The following DCDC2C variants were observed in gnomAD, a reference collection of about 807,000 sequenced individuals.
DCDC2C encodes the protein doublecortin domain-containing protein 2C.
Under a neutral mutation model 45.0 loss-of-function variants are expected in DCDC2C, and 44 were observed. The ratio of observed to expected loss-of-function variants is 0.98; its 90% CI spans 0.77 to 1.26. The LOEUF (loss-of-function observed/expected upper bound fraction) is 1.26, where lower values mean the gene tolerates loss of function less well. Among genes scored for constraint, DCDC2C ranks in the 50% most tolerant of loss-of-function variants. The pLI, the probability that DCDC2C is intolerant of heterozygous loss-of-function variation, is 0.00. For synonymous variants in DCDC2C, 187 were observed against 178.8 expected, an observed-to-expected ratio of 1.05 and a Z score of -0.37; for missense variants, 447 against 468.9, an observed-to-expected ratio of 0.95 and a Z score of 0.43.
chr2:3,805,263 G>A (rs1281496845), intron 10 of DCDC2C, among the ~76,000 whole-genome samples: 2 of 152,188 alleles, frequency 1.3e-5, no homozygotes, highest in East Asian at 1.9e-4. Flanking sequence ...ATTCGAATCC[G>A]GCAGCAGCTC....
At chr2:3,783,753 G>A (rs1670575058) in intron 9 of DCDC2C, among the ~76,000 whole-genome samples, 1 of 152,242 alleles carries the variant, frequency 6.6e-6, no homozygotes, top group Admixed American at 6.5e-5. Flanking sequence ...CCAAGCAGGA[G>A]CTGAGCGTGG....
At position 3,782,547 on chromosome 2, in the gene DCDC2C, C is replaced by T. The variant is rs181210854; in HGVS notation, c.1024-2512C>T. On this transcript the variant is annotated intron_variant, in intron 9 of 10. Transcript: ENST00000399143. ...AGGCTGGAGTGCAGTGGTGCTATCTCGGCTCACTGCAAGCTCCGCCTCCTG... is the reference window on the plus strand; with the variant it reads ...AGGCTGGAGTGCAGTGGTGCTATCTTGGCTCACTGCAAGCTCCGCCTCCTG... Among the ~76,000 whole-genome samples the T allele has an allele frequency of 2.0e-3, 303 of 151,254 alleles. 1 individual carries two copies. Among genetic ancestry groups the T allele is most frequent in the South Asian group, 4.2e-3 (20 of 4,796 alleles).
chr2:3,751,195 G>A (rs1669532195), intron 4 of DCDC2C, among the ~76,000 whole-genome samples: 1 of 152,212 alleles, frequency 6.6e-6, no homozygotes, highest in African/African-American at 2.4e-5. Context: ...GCCCCCGGGA[G>A]CAGTTGCTTT....
intron 6 of DCDC2C, among the ~76,000 whole-genome samples, chr2:3,766,508 C>T (rs1253197658): frequency 2.6e-5 from 4 of 152,262 alleles, no homozygotes; most frequent in Non-Finnish European, 4.4e-5. Flanking sequence ...ATTTCTTCTC[C>T]TTAAGAACAT....
chr2:3,831,547 C>A (rs895698452), intron 10 of DCDC2C, among the ~76,000 whole-genome samples: 1 of 152,170 alleles, frequency 6.6e-6, no homozygotes, highest in Admixed American at 6.5e-5. Flanking sequence ...AAGGAACCAC[C>A]ATTGGACATG....
chr2:3,809,749 C>T (rs760579099), intron 10 of DCDC2C, among the ~76,000 whole-genome samples: 4 of 152,156 alleles, frequency 2.6e-5, no homozygotes, highest in Admixed American at 2.6e-4. Context: ...CCCTTACCCC[C>T]AACCCCCAAC....
intron 4 of DCDC2C, among the ~76,000 whole-genome samples, chr2:3,746,889 G>T (rs1669379716): frequency 6.6e-6 from 1 of 152,172 alleles, no homozygotes; most frequent in Non-Finnish European, 1.5e-5. Context: ...GGGTTCTAAA[G>T]AAATGGGTAG....
intron 3 of DCDC2C, among the ~76,000 whole-genome samples, chr2:3,739,076 T>C (rs1225244690): frequency 1.3e-5 from 2 of 152,228 alleles, no homozygotes; most frequent in African/African-American, 4.8e-5. Context: ...TTTCCTAGTT[T>C]ATAAATCAGA....
intron 4 of DCDC2C, among the ~76,000 whole-genome samples, chr2:3,745,129 A>C (rs1383847446): frequency 1.3e-5 from 2 of 152,094 alleles, no homozygotes; most frequent in African/African-American, 4.8e-5. Context: ...AGGATTACAG[A>C]CGCCCGCCAC....
chr2:3,847,230 G>T lies in DCDC2C; in HGVS notation c.*47G>T, dbSNP rs980480258. The T allele has an allele frequency of 5.8e-6, 7 of 1,199,126 alleles. No individual in the cohort carries two copies. The highest frequency in any genetic ancestry group is 3.2e-4 in the Middle Eastern group (1 of 3,154). 74.3% of individuals were successfully genotyped at this position (1,199,126 alleles called of 1,614,324 possible). On this transcript the variant is annotated 3_prime_UTR_variant, in exon 11 of 11. Coordinates refer to ENST00000399143, the MANE Select transcript of DCDC2C (RefSeq NM_001287444.2). Reference sequence around the variant, plus strand: ...CTGAAGTCCACTTTTCTTCAACCATGGGGCTTCCACGTCACATATGGACAT... The same window carrying T: ...CTGAAGTCCACTTTTCTTCAACCATTGGGCTTCCACGTCACATATGGACAT...
intron 10 of DCDC2C, among the ~76,000 whole-genome samples, chr2:3,800,323 C>G (rs574807128): frequency 6.6e-6 from 1 of 152,168 alleles, no homozygotes; most frequent in Admixed American, 6.5e-5. Context: ...AGAAATCACC[C>G]GTCTTCTGTG....
At chr2:3,846,182 CTTCTTCT>C (rs765813783) in intron 10 of DCDC2C, among the ~76,000 whole-genome samples, 8 of 151,698 alleles carry the variant, frequency 5.3e-5, no homozygotes, top group African/African-American at 1.7e-4. Flanking sequence ...CATCTTCTTC[CTTCTTCT>C]TTCTTCCCCA....
intron 2 of DCDC2C, among the ~76,000 whole-genome samples, chr2:3,710,819 C>T (rs1558557791): frequency 6.6e-6 from 1 of 152,138 alleles, no homozygotes; most frequent in Non-Finnish European, 1.5e-5. Flanking sequence ...CATAGTATTC[C>T]ACGGTGTATA....
intron 10 of DCDC2C, among the ~76,000 whole-genome samples, chr2:3,785,913 G>A (rs1489089795): frequency 6.6e-6 from 1 of 152,126 alleles, no homozygotes; most frequent in Middle Eastern, 3.2e-3. Context: ...GTACCTGCCG[G>A]ATGTGTGGCT....
At chr2:3,751,455 C>A (rs1669539139) in intron 4 of DCDC2C, among the ~76,000 whole-genome samples, 1 of 152,240 alleles carries the variant, frequency 6.6e-6, no homozygotes, top group South Asian at 2.1e-4. Context: ...AGGTTCCTGT[C>A]TTGACGCCTC....
chr2:3,843,391 G>A (rs540347089), intron 10 of DCDC2C, among the ~76,000 whole-genome samples: 5 of 152,304 alleles, frequency 3.3e-5, no homozygotes, highest in Admixed American at 6.5e-5. Flanking sequence ...TGAATGTGCC[G>A]AGTTCTCCAC....
At chr2:3,747,654 C>T (rs922920848) in intron 4 of DCDC2C, among the ~76,000 whole-genome samples, 6 of 152,220 alleles carry the variant, frequency 3.9e-5, no homozygotes, top group African/African-American at 9.6e-5. Context: ...TCGCCCATCT[C>T]GCAGTAGAAG....
chr2:3,715,273 G>A (rs1325433106), intron 2 of DCDC2C, among the ~76,000 whole-genome samples: 1 of 151,954 alleles, frequency 6.6e-6, no homozygotes, highest in African/African-American at 2.4e-5. Context: ...GCCTTCTTTT[G>A]CTTGAGATTT....
intron 6 of DCDC2C, among the ~76,000 whole-genome samples, chr2:3,755,706 A>G (rs1214728767): frequency 6.6e-6 from 1 of 151,650 alleles, no homozygotes; most frequent in African/African-American, 2.4e-5. Context: ...TATATGTTGT[A>G]TGGATATGTT....
Sources: gnomAD v4.1 joint callset for allele counts (sites outside exome capture counted in the v4.1 genomes callset) on GRCh38, gnomAD v4.1.1 for gene constraint, MANE v1.5 for transcripts, NCBI Gene and HGNC (gene_info 2026-07-23, HGNC 2026-07-21) for gene names.